NBEA: variants seen among roughly 807,000 people sequenced by gnomAD.
NBEA encodes lysosomal-trafficking regulator 2.
NBEA carries 44 observed loss-of-function variants against 343.4 expected under a neutral mutation model. The observed-to-expected ratio is 0.13, with a 90% confidence interval of 0.10 to 0.16. The LOEUF (loss-of-function observed/expected upper bound fraction) is 0.16, where lower values mean the gene tolerates loss of function less well. Among genes scored for constraint, NBEA ranks in the 10% least tolerant of loss-of-function variants. The pLI is 1.00. For missense variants in NBEA, 2,555 were observed against 3,631.3 expected, an observed-to-expected ratio of 0.70 and a Z score of 7.62; for synonymous variants, 1,175 against 1,238.7, an observed-to-expected ratio of 0.95 and a Z score of 1.08.
chr13:35,372,526 A>C (rs531592431), intron 38 of NBEA, among the ~76,000 whole-genome samples: 1 of 151,992 alleles, frequency 6.6e-6, no homozygotes, highest in Non-Finnish European at 1.5e-5. Flanking sequence ...GTAGACAGGG[A>C]GGGGTTTTTC....
intron 41 of NBEA, among the ~76,000 whole-genome samples, chr13:35,505,866 C>T (rs192763132): frequency 7.2e-5 from 11 of 152,200 alleles, no homozygotes; most frequent in Non-Finnish European, 1.5e-5. Flanking sequence ...CTTTAGTCTG[C>T]ATGTTCAACT....
At position 35,160,022 on chromosome 13, in the gene NBEA, C is replaced by G; in HGVS notation, c.3851C>G (p.Thr1284Ser). 6.3e-7 allele frequency: 1 copy of G among 1,574,884 alleles called. No homozygotes were observed. The highest frequency in any genetic ancestry group is 1.4e-5 in the African/African-American group (1 of 73,318). The change falls in exon 22 of 59, where the codon ACT becomes AGT. Residue 1284 changes from threonine (T) to serine (S), a missense_variant. Physicochemically the swap from Thr to Ser is moderately conservative, Grantham distance 58 (BLOSUM62 1). This residue lies in a region of NBEA where 367 missense variants were observed against 377.5 expected (regional missense o/e 0.97). Transcript: ENST00000379939. ...GKEIRKIQTT[T>S]TTQAVQGRSI... ...GAAATCCGAAAAATCCAAACAACTACTACGACACAAGTAAGCTACCTTATA... is the reference window on the plus strand; with the variant it reads ...GAAATCCGAAAAATCCAAACAACTAGTACGACACAAGTAAGCTACCTTATA...
chr13:35,488,676 G>A (rs936534300), intron 41 of NBEA, among the ~76,000 whole-genome samples: 6 of 151,770 alleles, frequency 4.0e-5, no homozygotes, highest in African/African-American at 1.2e-4. Context: ...CATGAGCAGA[G>A]GTAAATACTT....
intron 36 of NBEA, among the ~76,000 whole-genome samples, chr13:35,341,205 G>C (rs1233115223): frequency 6.6e-6 from 1 of 151,852 alleles, no homozygotes; most frequent in Non-Finnish European, 1.5e-5. Flanking sequence ...GATATCAACA[G>C]GCCAAAGAAC....
intron 10 of NBEA, among the ~76,000 whole-genome samples, chr13:35,082,913 T>C (rs1285302900): frequency 6.6e-6 from 1 of 152,212 alleles, no homozygotes; most frequent in Admixed American, 6.5e-5. Flanking sequence ...GCAGAAGCTC[T>C]TTAGTTTAAT....
chr13:35,133,197 A>C lies in NBEA; in HGVS notation c.2337-9072A>C, dbSNP rs567756323. Among the ~76,000 whole-genome samples, 3 of 152,294 alleles carry C rather than the reference A, an allele frequency of 2.0e-5. No individual in the cohort carries two copies. In the South Asian group the frequency reaches 6.2e-4, roughly 32 times the overall value. On this transcript the variant is annotated intron_variant, in intron 17 of 58. Coordinates refer to ENST00000379939, the MANE Select transcript of NBEA (RefSeq NM_001385012.1). ...AGAAAATCTGTTAGGATCATGAAGA[A>C]TATAAACAGACAATTCACTGAAGAG...
At chr13:35,302,895 C>T (rs1190582894) in intron 35 of NBEA, among the ~76,000 whole-genome samples, 1 of 152,078 alleles carries the variant, frequency 6.6e-6, no homozygotes, top group Non-Finnish European at 1.5e-5. Flanking sequence ...GCACATAAAA[C>T]ACATAAAGAG....
intron 38 of NBEA, among the ~76,000 whole-genome samples, chr13:35,423,298 C>G (rs1019617562): frequency 3.0e-4 from 46 of 152,160 alleles, no homozygotes; most frequent in African/African-American, 9.7e-5. Context: ...ACATTTAAGT[C>G]TTTAATCCAT....
chr13:35,045,235 G>GTTT (rs1315602189), intron 3 of NBEA, 71 bp from the exon 4 acceptor site: 1 of 1,305,594 alleles, frequency 7.7e-7, no homozygotes, highest in East Asian at 2.4e-5. Context: ...CAGTCCAATG[G>GTTT]GTAACATGGT....
intron 16 of NBEA, among the ~76,000 whole-genome samples, chr13:35,119,114 G>T (rs118012819): frequency 0.046 from 6,965 of 152,218 alleles, 239 homozygotes; most frequent in Non-Finnish European, 0.067. Context: ...AAAGCCAAAA[G>T]AAACTGAAAA....
rs538502548 is a variant in NBEA at position 35,363,831 on chromosome 13, T to C, written c.6179+11508T>C. Reference sequence around the variant, plus strand: ...TAGCTAAATGATTAATTCTAACTGTTCTAATGAACAGAAAACATAAATCTC... The same window carrying C: ...TAGCTAAATGATTAATTCTAACTGTCCTAATGAACAGAAAACATAAATCTC... On this transcript the variant is annotated intron_variant, in intron 38 of 58. Transcript: ENST00000379939. Among the ~76,000 whole-genome samples, 7 of 152,090 alleles carry C rather than the reference T, an allele frequency of 4.6e-5. No individual in the cohort carries two copies. The East Asian group carries it at 1.4e-3, about 29-fold the overall frequency.
At chr13:34,994,534 A>G (rs2060873908) in intron 1 of NBEA, among the ~76,000 whole-genome samples, 1 of 152,168 alleles carries the variant, frequency 6.6e-6, no homozygotes, top group Non-Finnish European at 1.5e-5. Context: ...ATTTCCTCCT[A>G]TGTATGTAAC....
In NBEA at chr13:35,135,857, C is replaced by T. The variant is rs145571892; in HGVS notation, c.2337-6412C>T. ...TAATTGGCAGTGGGAAATTATTTAA[C>T]TTCTGGATTGAAGGTGGAGAAGAAG... On this transcript the variant is annotated intron_variant, in intron 17 of 58. Transcript: ENST00000379939. Among the ~76,000 whole-genome samples the T allele has an allele frequency of 4.6e-3, 702 of 151,892 alleles. 6 individuals are homozygous for T. Among genetic ancestry groups the T allele is most frequent in the African/African-American group, 0.016 (678 of 41,464 alleles).
intron 10 of NBEA, among the ~76,000 whole-genome samples, chr13:35,072,892 T>G (rs984051675): frequency 1.3e-5 from 2 of 152,104 alleles, no homozygotes; most frequent in Non-Finnish European, 2.9e-5. Flanking sequence ...TAGAAAACAT[T>G]ACAAGAATGA....
At chr13:35,396,753 T>A (rs550157206) in intron 38 of NBEA, among the ~76,000 whole-genome samples, 1 of 152,184 alleles carries the variant, frequency 6.6e-6, no homozygotes, top group Non-Finnish European at 1.5e-5. Flanking sequence ...TCAGATTTTA[T>A]AATTGCTATC....
chr13:35,080,611 T>C (rs1407348851), intron 10 of NBEA, among the ~76,000 whole-genome samples: 1 of 152,162 alleles, frequency 6.6e-6, no homozygotes, highest in East Asian at 1.9e-4. Context: ...TAAAGCTGAC[T>C]CATAGCAGTT....
intron 17 of NBEA, among the ~76,000 whole-genome samples, chr13:35,132,316 C>T (rs1252262516): frequency 6.6e-6 from 1 of 152,084 alleles, no homozygotes; most frequent in Non-Finnish European, 1.5e-5. Flanking sequence ...TGCCACCATG[C>T]CCAGCTAATT....
chr13:35,052,617 A>T (rs1241223388), intron 6 of NBEA, among the ~76,000 whole-genome samples: 3 of 151,152 alleles, frequency 2.0e-5, no homozygotes, highest in African/African-American at 7.3e-5. Flanking sequence ...TTCCAAGTTT[A>T]TTTTTATTTT....
chr13:35,367,092 A>G (rs1241028452), intron 38 of NBEA, among the ~76,000 whole-genome samples: 1 of 151,310 alleles, frequency 6.6e-6, no homozygotes, highest in Non-Finnish European at 1.5e-5. Flanking sequence ...ATGCTATATA[A>G]TGTGAAATCT....
Sources: allele counts gnomAD v4.1 joint callset (sites outside exome capture counted in the v4.1 genomes callset), GRCh38; gene constraint gnomAD v4.1.1; regional missense constraint gnomAD v4.1.1; transcripts MANE v1.5; gene names NCBI Gene and HGNC (gene_info 2026-07-23, HGNC 2026-07-21).